CREB5: variants seen among roughly 807,000 people sequenced by gnomAD.
CREB5 encodes cAMP responsive element binding protein 5.
Under a neutral mutation model 57.1 loss-of-function variants are expected in CREB5, and 19 were observed. That is an observed-to-expected ratio of 0.33 (90% CI 0.23 to 0.49). The LOEUF (loss-of-function observed/expected upper bound fraction) is 0.49. Among genes scored for constraint, CREB5 ranks in the 20% least tolerant of loss-of-function variants. The pLI is 0.99. For missense variants in CREB5, 579 were observed against 671.6 expected, an observed-to-expected ratio of 0.86 and a Z score of 1.52; for synonymous variants, 238 against 238.3, an observed-to-expected ratio of 1.00 and a Z score of 0.01.
At chr7:28,634,103 C>T (rs1222194053) in intron 5 of CREB5, among the ~76,000 whole-genome samples, 1 of 152,170 alleles carries the variant, frequency 6.6e-6, no homozygotes. Context: ...ACAGTGTTTC[C>T]TAAGTGTGAT....
chr7:28,733,553 G>A (rs1344563423), intron 7 of CREB5, among the ~76,000 whole-genome samples: 1 of 152,208 alleles, frequency 6.6e-6, no homozygotes, highest in Non-Finnish European at 1.5e-5. Flanking sequence ...CAGCTCAAAT[G>A]TACCTTTCCT....
chr7:28,656,020 A>T (rs1799319527), intron 5 of CREB5, among the ~76,000 whole-genome samples: 1 of 152,236 alleles, frequency 6.6e-6, no homozygotes, highest in African/African-American at 2.4e-5. Flanking sequence ...TAAAACATTT[A>T]AAAAATGTAG....
At chr7:28,720,894 A>G (rs1342324673) in intron 6 of CREB5, among the ~76,000 whole-genome samples, 4 of 152,180 alleles carry the variant, frequency 2.6e-5, no homozygotes, top group Non-Finnish European at 5.9e-5. Flanking sequence ...TTTTAAAAAA[A>G]AATTTGGCTA....
intron 4 of CREB5, among the ~76,000 whole-genome samples, chr7:28,558,797 T>C (rs1794970001): frequency 6.6e-6 from 1 of 152,186 alleles, no homozygotes; most frequent in South Asian, 2.1e-4. Context: ...TAGGTATGCA[T>C]TGGAGTCTCT....
At chr7:28,429,500 G>C (rs747014579) in intron 1 of CREB5, among the ~76,000 whole-genome samples, 4 of 152,066 alleles carry the variant, frequency 2.6e-5, no homozygotes, top group Non-Finnish European at 5.9e-5. Context: ...TTGATGCGTC[G>C]CACCTCCTTT....
chr7:28,723,318 C>T (rs552924472), intron 6 of CREB5, among the ~76,000 whole-genome samples: 2 of 152,166 alleles, frequency 1.3e-5, no homozygotes, highest in East Asian at 3.9e-4. Context: ...TCAAACACAC[C>T]CTTCCTGAAT....
intron 1 of CREB5, among the ~76,000 whole-genome samples, chr7:28,462,391 C>T (rs953989982): frequency 7.2e-5 from 11 of 152,192 alleles, no homozygotes; most frequent in African/African-American, 2.6e-4. Context: ...TATGAGTTTA[C>T]AAGTTTTTAT....
chr7:28,752,657 G>A (rs1805051972), intron 7 of CREB5, among the ~76,000 whole-genome samples: 1 of 152,146 alleles, frequency 6.6e-6, no homozygotes, highest in Non-Finnish European at 1.5e-5. Flanking sequence ...AGCAATCTCA[G>A]TTCTAGTACA....
chr7:28,724,178 A>T (rs965336578), intron 6 of CREB5, 44 bp from the exon 7 acceptor site: 2 of 1,542,904 alleles, frequency 1.3e-6, no homozygotes, highest in African/African-American at 2.7e-5. Flanking sequence ...AATGACCTAG[A>T]CTGCCTTTGC....
intron 4 of CREB5, among the ~76,000 whole-genome samples, chr7:28,551,870 T>TTC (rs1794662653): frequency 5.7e-5 from 7 of 122,836 alleles, no homozygotes; most frequent in East Asian, 4.0e-4. Context: ...CTTTCTTTCT[T>TTC]TTTCTTTCTT....
chr7:28,645,622 A>G (rs1171001833), intron 5 of CREB5, among the ~76,000 whole-genome samples: 2 of 152,226 alleles, frequency 1.3e-5, no homozygotes, highest in East Asian at 1.9e-4. Context: ...CAGAGGAAGA[A>G]CTAAAATGCC....
intron 1 of CREB5, among the ~76,000 whole-genome samples, chr7:28,448,265 C>A (rs1200634134): frequency 6.6e-6 from 1 of 152,218 alleles, no homozygotes; most frequent in Non-Finnish European, 1.5e-5. Flanking sequence ...TTGCAGACAG[C>A]CTATTGTGGG....
chr7:28,471,344 G>A (rs576609195), intron 1 of CREB5, among the ~76,000 whole-genome samples: 1 of 152,246 alleles, frequency 6.6e-6, no homozygotes, highest in South Asian at 2.1e-4. Context: ...TTCCTCCAGT[G>A]TATCTTCTTG....
intron 1 of CREB5, among the ~76,000 whole-genome samples, chr7:28,306,555 G>GAT (rs1785189462): frequency 1.7e-5 from 1 of 58,086 alleles, no homozygotes; most frequent in Non-Finnish European, 3.1e-5. Context: ...TGTTTTTTTT[G>GAT]TTTTTTTTTT....
chr7:28,763,334 C>G (rs1805771942), intron 7 of CREB5, among the ~76,000 whole-genome samples: 2 of 152,120 alleles, frequency 1.3e-5, no homozygotes, highest in Non-Finnish European at 2.9e-5. Context: ...GACTGCCATA[C>G]CTTCTATTTC....
chr7:28,443,193 C>G (rs1367994526), intron 1 of CREB5, among the ~76,000 whole-genome samples: 1 of 152,212 alleles, frequency 6.6e-6, no homozygotes, highest in African/African-American at 2.4e-5. Context: ...CAGCATCAGC[C>G]TCATGTTCAT....
At chr7:28,307,471 T>C (rs1385891446) in intron 1 of CREB5, among the ~76,000 whole-genome samples, 1 of 152,230 alleles carries the variant, frequency 6.6e-6, no homozygotes. Flanking sequence ...CTGAACTTGC[T>C]AATGCCTTGA....
intron 1 of CREB5, among the ~76,000 whole-genome samples, chr7:28,430,283 G>A (rs899469994): frequency 2.0e-5 from 3 of 152,208 alleles, no homozygotes; most frequent in Non-Finnish European, 4.4e-5. Flanking sequence ...TCCACTCCAC[G>A]AATGTGTATC....
intron 1 of CREB5, among the ~76,000 whole-genome samples, chr7:28,336,471 A>G (rs1458050587): frequency 2.0e-5 from 3 of 151,864 alleles, no homozygotes; most frequent in Non-Finnish European, 4.4e-5. Context: ...AGGTTTTCCA[A>G]TTTATTGTCA....
Sources: allele counts gnomAD v4.1 joint callset (sites outside exome capture counted in the v4.1 genomes callset), GRCh38; gene constraint gnomAD v4.1.1; transcripts MANE v1.5; gene names NCBI Gene and HGNC (gene_info 2026-07-23, HGNC 2026-07-21).